STAG2: variants seen among roughly 807,000 people sequenced by gnomAD.
STAG2 encodes the protein STAG2 cohesin complex component.
STAG2 carries 14 observed loss-of-function variants against 108.1 expected under a neutral mutation model. The observed-to-expected ratio is 0.13, with a 90% CI of 0.09 to 0.20. The LOEUF (loss-of-function observed/expected upper bound fraction) is 0.20. Among genes scored for constraint, STAG2 ranks in the 10% least tolerant of loss-of-function variants. The probability of loss-of-function intolerance (pLI) is 1.00; values close to 1 mark genes in which losing one functional copy is unlikely to be tolerated. For missense variants in STAG2, 440 were observed against 940.9 expected, an observed-to-expected ratio of 0.47 and a Z score of 6.96; for synonymous variants, 307 against 302.7, an observed-to-expected ratio of 1.01 and a Z score of -0.15.
intron 1 of STAG2, among the ~76,000 whole-genome samples, chrX:123,980,752 G>T (rs1439312679): frequency 8.9e-6 from 1 of 111,756 alleles, no homozygotes; most frequent in Non-Finnish European, 1.9e-5. Flanking sequence ...TGCAACATTG[G>T]TATTAGTGTG....
intron 1 of STAG2, among the ~76,000 whole-genome samples, chrX:124,012,863 T>A (rs373597798): frequency 1.2e-4 from 13 of 111,921 alleles, no homozygotes; most frequent in African/African-American, 3.6e-4. Flanking sequence ...TTAATAAAAA[T>A]TCAGTAATTC....
In STAG2 at chrX:124,004,448, T is replaced by C. The variant is rs149233750; in HGVS notation, c.-162-16919T>C. On this transcript the variant is annotated intron_variant, in intron 1 of 34. Transcript: ENST00000371145. ...TATATATTCCTATTTAGTGGAATTG[T>C]AGACTATTTATCCTTTTGTGACTGG... 6.9e-3 allele frequency among the ~76,000 whole-genome samples: 775 copies of C among 112,452 alleles called. 10 individuals carry two copies. Among genetic ancestry groups the C allele is most frequent in the African/African-American group, 0.024 (735 of 30,982 alleles).
intron 1 of STAG2, among the ~76,000 whole-genome samples, chrX:123,974,647 C>T (rs979392224): frequency 2.4e-4 from 24 of 101,553 alleles, no homozygotes; most frequent in African/African-American, 8.1e-4. Flanking sequence ...GGCGTGATCT[C>T]GGCTCACTGC....
intron 8 of STAG2, among the ~76,000 whole-genome samples, chrX:124,046,739 A>T (rs1021559271): frequency 8.9e-6 from 1 of 111,782 alleles, no homozygotes; most frequent in Non-Finnish European, 1.9e-5. Context: ...ATGAAAAAGC[A>T]CTTTAATTAA....
At chrX:124,040,408 C>T (rs897102531) in intron 6 of STAG2, among the ~76,000 whole-genome samples, 6 of 110,234 alleles carry the variant, frequency 5.4e-5, no homozygotes, top group African/African-American at 2.0e-4. Context: ...TTAGATTTAC[C>T]GGATTTTAGC....
At chrX:124,061,900 A>G (rs761067569) in intron 17 of STAG2, 26 bp downstream of exon 17, 10 of 1,015,574 alleles carry the variant, frequency 9.8e-6, no homozygotes, top group East Asian at 3.2e-5. Flanking sequence ...TCTTTTCAAT[A>G]TTCTAAACTC....
At chrX:123,980,466 C>G (rs760852759) in intron 1 of STAG2, among the ~76,000 whole-genome samples, 10 of 111,775 alleles carry the variant, frequency 8.9e-5, no homozygotes, top group African/African-American at 3.2e-4. Flanking sequence ...GTTCTCCCAT[C>G]TGGGAGATGC....
At position 124,025,917 on chromosome X, in the gene STAG2, A is replaced by G; in HGVS notation, c.122A>G (p.Lys41Arg). Reference protein sequence around the residue: ...EGKNQKQGKGKTCKKGKKGPA... With the variant: ...EGKNQKQGKGRTCKKGKKGPA... ...AAAAACCAAAAGCAAGGCAAAGGCA[A>G]AGTATGTATCAAATATTTGACTTTA... The change falls in exon 4 of 35, where the codon AAA (lysine) becomes AGA (arginine). Residue 41 changes from lysine to arginine, a missense_variant and splice_region_variant. Transcript: ENST00000371145. 8.6e-7 allele frequency: 1 copy of G among 1,161,268 alleles called. No individual in the cohort carries two copies. Among genetic ancestry groups the G allele is most frequent in the South Asian group, 1.9e-5 (1 of 52,830 alleles).
intron 20 of STAG2, among the ~76,000 whole-genome samples, chrX:124,064,746 G>GT (rs1222457872): frequency 9.0e-6 from 1 of 111,203 alleles, no homozygotes; most frequent in African/African-American, 3.3e-5. Flanking sequence ...TCCAGTCTGG[G>GT]TTTTGATATT....
intron 7 of STAG2, 54 bp downstream of exon 7, chrX:124,042,699 T>C: frequency 1.1e-6 from 1 of 877,995 alleles, no homozygotes; most frequent in Non-Finnish European, 1.7e-6. Context: ...TCTTGACTTA[T>C]TTTTGAAAGT....
chrX:124,002,812 C>CTTTTTTTT (rs111999061), intron 1 of STAG2, among the ~76,000 whole-genome samples: 1 of 92,940 alleles, frequency 1.1e-5, no homozygotes, highest in Non-Finnish European at 2.1e-5. Context: ...TTCTTTCTTT[C>CTTTTTTTT]TTTTTTTTTT....
At chrX:124,077,222 T>C (rs1401516153) in intron 26 of STAG2, among the ~76,000 whole-genome samples, 1 of 111,136 alleles carries the variant, frequency 9.0e-6, no homozygotes, top group Non-Finnish European at 1.9e-5. Context: ...ATTTTGGAAC[T>C]TAAATCATTT....
chrX:123,978,470 G>A (rs952409472), intron 1 of STAG2, among the ~76,000 whole-genome samples: 1 of 111,257 alleles, frequency 9.0e-6, no homozygotes, highest in African/African-American at 3.3e-5. Context: ...GGACAATAAT[G>A]TGAGTGGTTT....
intron 1 of STAG2, among the ~76,000 whole-genome samples, chrX:123,972,866 CAAAAAAAAAAAA>C (rs747333406): frequency 3.6e-4 from 8 of 21,929 alleles, no homozygotes; most frequent in Non-Finnish European, 4.4e-4. Context: ...ACCAAAAATA[CAAAAAAAAAAAA>C]AAAAAAAAAA....
intron 1 of STAG2, among the ~76,000 whole-genome samples, chrX:123,972,866 C>CAAAAAAAAAAAAAAAAA (rs747333406): frequency 1.4e-4 from 3 of 21,927 alleles, no homozygotes; most frequent in Admixed American, 8.9e-4. Flanking sequence ...ACCAAAAATA[C>CAAAAAAAAAAAAAAAAA]AAAAAAAAAA....
At chrX:124,024,907 A>G (rs1163545026) in intron 3 of STAG2, among the ~76,000 whole-genome samples, 1 of 111,998 alleles carries the variant, frequency 8.9e-6, no homozygotes, top group Non-Finnish European at 1.9e-5. Context: ...AAATACTAAT[A>G]TAAGTATGCC....
intron 1 of STAG2, among the ~76,000 whole-genome samples, chrX:124,007,930 A>G (rs1161144886): frequency 8.9e-6 from 1 of 111,825 alleles, no homozygotes; most frequent in Non-Finnish European, 1.9e-5. Flanking sequence ...CTAGTAACTA[A>G]GTTCAAGTAT....
intron 4 of STAG2, among the ~76,000 whole-genome samples, chrX:124,026,876 A>G (rs1201031393): frequency 1.8e-5 from 2 of 110,894 alleles, no homozygotes; most frequent in Non-Finnish European, 3.8e-5. Flanking sequence ...TTTTTTTTCT[A>G]TTTTTTAAAT....
At chrX:124,061,372 T>C in intron 16 of STAG2, 31 bp downstream of exon 16, 3 of 1,058,663 alleles carry the variant, frequency 2.8e-6, no homozygotes, top group African/African-American at 1.8e-5. Flanking sequence ...TATTTTTGTT[T>C]AGACAGTTTT....
Sources: gnomAD v4.1 joint callset for allele counts (sites outside exome capture counted in the v4.1 genomes callset) on GRCh38, gnomAD v4.1.1 for gene constraint, MANE v1.5 for transcripts, NCBI Gene and HGNC (gene_info 2026-07-23, HGNC 2026-07-21) for gene names.